The following EZH2 variants were observed in gnomAD, a reference collection of about 807,000 sequenced individuals.
The protein encoded by EZH2 is histone-lysine N-methyltransferase EZH2.
EZH2 carries 18 observed loss-of-function variants against 98.4 expected under a neutral mutation model. The observed-to-expected ratio is 0.18, with a 90% CI of 0.13 to 0.27. The LOEUF (loss-of-function observed/expected upper bound fraction) is 0.27, where lower values mean the gene tolerates loss of function less well. EZH2 is among the 10% of genes least tolerant of loss of function. The pLI, the probability that EZH2 is intolerant of heterozygous loss-of-function variation, is 1.00. For synonymous variants in EZH2, 338 were observed against 312.3 expected (o/e 1.08, Z -0.87); for missense variants, 470 against 935.1 (o/e 0.50, Z 6.49).
intron 1 of EZH2, among the ~76,000 whole-genome samples, chr7:148,856,934 C>T (rs868155387): frequency 6.6e-6 from 1 of 152,120 alleles, no homozygotes; most frequent in African/African-American, 2.4e-5. Context: ...TGAGCGTGAG[C>T]TAGATTCAAT....
At chr7:148,874,003 G>A (rs908541653) in intron 1 of EZH2, among the ~76,000 whole-genome samples, 1 of 152,190 alleles carries the variant, frequency 6.6e-6, no homozygotes, top group Non-Finnish European at 1.5e-5. Context: ...AGATATTCCA[G>A]AAAGAGGACA....
chr7:148,880,773 T>C (rs1271351593), intron 1 of EZH2, among the ~76,000 whole-genome samples: 1 of 152,244 alleles, frequency 6.6e-6, no homozygotes, highest in African/African-American at 2.4e-5. Flanking sequence ...CCTTAATTCA[T>C]TCAACTATAT....
At chr7:148,818,177 G>C (rs1157997811) in intron 9 of EZH2, 60 bp from the exon 10 acceptor site, 5 of 1,458,308 alleles carry the variant, frequency 3.4e-6, no homozygotes. Flanking sequence ...TGATGGAAGA[G>C]AAAAAAAAAT....
intron 3 of EZH2, among the ~76,000 whole-genome samples, chr7:148,838,441 A>G (rs1811478769): frequency 6.6e-6 from 1 of 152,166 alleles, no homozygotes. Context: ...AGCTTTGCGG[A>G]AAAACTCCAG....
chr7:148,845,758 C>A (rs1319310469), intron 3 of EZH2, among the ~76,000 whole-genome samples: 1 of 152,220 alleles, frequency 6.6e-6, no homozygotes, highest in African/African-American at 2.4e-5. Context: ...GCTCTTTCCC[C>A]TTTTGCTTCA....
chr7:148,837,618 T>C (rs1811235468), intron 3 of EZH2, among the ~76,000 whole-genome samples: 1 of 152,070 alleles, frequency 6.6e-6, no homozygotes, highest in Non-Finnish European at 1.5e-5. Context: ...CAAATTTGGA[T>C]AAAGTAAAGA....
At chr7:148,869,213 G>C (rs1459119667) in intron 1 of EZH2, among the ~76,000 whole-genome samples, 2 of 152,100 alleles carry the variant, frequency 1.3e-5, no homozygotes, top group South Asian at 4.2e-4. Flanking sequence ...CAGCTAGGGA[G>C]AATCTTACCA....
At chr7:148,860,740 C>A (rs953824552) in intron 1 of EZH2, among the ~76,000 whole-genome samples, 5 of 152,174 alleles carry the variant, frequency 3.3e-5, no homozygotes, top group African/African-American at 4.8e-5. Flanking sequence ...GGCGCAATCA[C>A]GGCTCACTAC....
At position 148,811,098 on chromosome 7, in the gene EZH2, G is replaced by A. The variant is rs149305276; in HGVS notation, c.1947+527C>T. 5.1e-4 allele frequency among the ~76,000 whole-genome samples: 77 copies of A among 152,224 alleles called. 1 individual carries two copies. Among genetic ancestry groups the A allele is most frequent in the Non-Finnish European group, 6.5e-4 (44 of 68,004 alleles). ...CTTGTTCTCCCTGTTGTCCCTAGAC[G>A]AGAAAAACTAAATGTGGCTAGAACC... On this transcript the variant is annotated intron_variant, in intron 16 of 19. Coordinates refer to ENST00000320356, the MANE Select transcript of EZH2 (RefSeq NM_004456.5).
intron 1 of EZH2, chr7:148,883,345 T>C (rs1821283228): frequency 6.6e-6 from 1 of 152,148 alleles, no homozygotes; most frequent in East Asian, 1.9e-4. Context: ...AGAAACACAA[T>C]CAATAGAGAG....
At chr7:148,854,808 T>C (rs1816535864) in intron 1 of EZH2, among the ~76,000 whole-genome samples, 1 of 152,252 alleles carries the variant, frequency 6.6e-6, no homozygotes, top group African/African-American at 2.4e-5. Flanking sequence ...GTTAGTATCA[T>C]TTGGCAATTT....
intron 18 of EZH2, 39 bp downstream of exon 18, chr7:148,809,271 T>A (rs10268879): frequency 2.5e-6 from 4 of 1,588,810 alleles, no homozygotes; most frequent in African/African-American, 2.7e-5. Context: ...ATCACAGGAC[T>A]GAAAAGGGAG....
At chr7:148,829,271 A>T (rs1285500264) in intron 5 of EZH2, among the ~76,000 whole-genome samples, 3 of 152,098 alleles carry the variant, frequency 2.0e-5, no homozygotes, top group African/African-American at 4.8e-5. Flanking sequence ...ACACTTTAAC[A>T]GGGCCTCCTG....
rs537769181 is a variant in EZH2 at position 148,862,015 on chromosome 7, T to C, written c.-7-14710A>G. Among the ~76,000 whole-genome samples, 5 of 152,014 alleles carry C rather than the reference T, an allele frequency of 3.3e-5. No individual in the cohort carries two copies. In the East Asian group the frequency reaches 5.8e-4, roughly 18 times the overall value. The stretch of plus-strand genomic sequence containing the variant: ...GTGTTTGAATAGCCTTCTGAGGTCA[T>C]TGTGGATCTCGTGCTTTGATATTAC... On this transcript the variant is annotated intron_variant, in intron 1 of 19. Transcript: ENST00000320356.
chr7:148,836,247 TAA>T (rs1380604730), intron 3 of EZH2, among the ~76,000 whole-genome samples: 1 of 152,238 alleles, frequency 6.6e-6, no homozygotes, highest in Non-Finnish European at 1.5e-5. Context: ...TGTTTCAAGC[TAA>T]GAGAGCACCT....
chr7:148,826,361 T>A lies in EZH2; in HGVS notation c.907+93A>T, dbSNP rs143454551. On this transcript the variant is annotated intron_variant, in intron 8 of 19. Coordinates refer to ENST00000320356, the MANE Select transcript of EZH2 (RefSeq NM_004456.5). ...GATATTTGTCAAAGTAACTACAAGA[T>A]TAAATGATAAATTCTAGTTGTAATA... 8.0e-6 allele frequency: 8 copies of A among 997,720 alleles called. No homozygotes were observed. In the African/African-American group the frequency reaches 1.3e-4, roughly 17 times the overall value. 61.8% of individuals were successfully genotyped at this position (997,720 alleles called of 1,614,324 possible).
chr7:148,883,583 C>T (rs1234933860), intron 1 of EZH2: 1 of 150,146 alleles, frequency 6.7e-6, no homozygotes, highest in Non-Finnish European at 1.5e-5. Flanking sequence ...AGGGCCGAGC[C>T]CTGCCCACCC....
At chr7:148,867,443 A>G (rs1818714281) in intron 1 of EZH2, among the ~76,000 whole-genome samples, 2 of 152,232 alleles carry the variant, frequency 1.3e-5, no homozygotes, top group South Asian at 2.1e-4. Context: ...GTTGATTACT[A>G]TAACATTACT....
intron 1 of EZH2, among the ~76,000 whole-genome samples, chr7:148,854,914 TAA>T (rs1172127537): frequency 1.3e-5 from 2 of 152,192 alleles, no homozygotes; most frequent in Non-Finnish European, 2.9e-5. Context: ...AAAAACAATA[TAA>T]AGAGAACTTA....
Sources: allele counts gnomAD v4.1 joint callset (sites outside exome capture counted in the v4.1 genomes callset), GRCh38; gene constraint gnomAD v4.1.1; transcripts MANE v1.5; gene names NCBI Gene and HGNC (gene_info 2026-07-23, HGNC 2026-07-21).